The following NRG3 variants were observed in gnomAD, a reference collection of about 807,000 sequenced individuals.
NRG3 encodes neuregulin 3, also known as pro-neuregulin-3, membrane-bound isoform.
NRG3 carries 31 observed loss-of-function variants against 66.9 expected under a neutral mutation model. The observed-to-expected ratio is 0.46, with a 90% CI of 0.35 to 0.63. NRG3 has a LOEUF of 0.63. NRG3 is among the 20% of genes least tolerant of loss of function. The probability of loss-of-function intolerance (pLI) is 0.00; values close to 1 mark genes in which losing one functional copy is unlikely to be tolerated. For missense variants in NRG3, 910 were observed against 878.9 expected, an observed-to-expected ratio of 1.04 and a Z score of -0.45; for synonymous variants, 393 against 359.4, an observed-to-expected ratio of 1.09 and a Z score of -1.06.
chr10:82,140,437 A>G (rs371653511), intron 1 of NRG3, among the ~76,000 whole-genome samples: 1 of 152,230 alleles, frequency 6.6e-6, no homozygotes, highest in African/African-American at 2.4e-5. Context: ...CAATTGGCTG[A>G]TATTTAAACA....
chr10:82,460,541 T>G (rs1402430756), intron 2 of NRG3, among the ~76,000 whole-genome samples: 1 of 152,220 alleles, frequency 6.6e-6, no homozygotes, highest in Non-Finnish European at 1.5e-5. Flanking sequence ...CTGTCTTTCA[T>G]GCAACTCTCT....
At chr10:82,025,851 T>C (rs1285388562) in intron 1 of NRG3, among the ~76,000 whole-genome samples, 2 of 152,208 alleles carry the variant, frequency 1.3e-5, no homozygotes, top group East Asian at 1.9e-4. Flanking sequence ...TTTTGTTTTG[T>C]TTTGATAGCT....
At chr10:82,071,942 G>A (rs2064829223) in intron 1 of NRG3, among the ~76,000 whole-genome samples, 1 of 152,160 alleles carries the variant, frequency 6.6e-6, no homozygotes, top group Non-Finnish European at 1.5e-5. Flanking sequence ...ATGTTTACAT[G>A]ATTCAAAAGT....
intron 2 of NRG3, among the ~76,000 whole-genome samples, chr10:82,517,657 G>GTGTGTGTGCA (rs1446772709): frequency 1.1e-3 from 139 of 128,150 alleles, no homozygotes; most frequent in African/African-American, 4.8e-3. Flanking sequence ...GTGTGTGTGT[G>GTGTGTGTGCA]TGTGTGTGTG....
At chr10:82,931,226 A>C (rs1847547557) in intron 4 of NRG3, among the ~76,000 whole-genome samples, 1 of 152,210 alleles carries the variant, frequency 6.6e-6, no homozygotes, top group African/African-American at 2.4e-5. Context: ...CTCCATCAGC[A>C]GGAATAGAAA....
intron 2 of NRG3, among the ~76,000 whole-genome samples, chr10:82,447,359 G>A (rs983976954): frequency 3.9e-5 from 6 of 152,136 alleles, no homozygotes; most frequent in Non-Finnish European, 8.8e-5. Flanking sequence ...TGAGGCAGGA[G>A]GATCTCTTGA....
chr10:82,455,716 G>C (rs1409151355), intron 2 of NRG3, among the ~76,000 whole-genome samples: 2 of 151,230 alleles, frequency 1.3e-5, no homozygotes, highest in Admixed American at 6.6e-5. Flanking sequence ...CCGGGTTCAC[G>C]CCATTCTCCT....
At chr10:82,719,802 G>A (rs1565237041) in intron 2 of NRG3, among the ~76,000 whole-genome samples, 1 of 151,984 alleles carries the variant, frequency 6.6e-6, no homozygotes, top group South Asian at 2.1e-4. Context: ...GTAGTCAATT[G>A]CCTTTATTAA....
At chr10:82,212,093 G>A (rs2075424023) in intron 1 of NRG3, among the ~76,000 whole-genome samples, 1 of 152,074 alleles carries the variant, frequency 6.6e-6, no homozygotes, top group African/African-American at 2.4e-5. Flanking sequence ...AGTTTGCTTG[G>A]CTTTCTTTTC....
intron 4 of NRG3, among the ~76,000 whole-genome samples, chr10:82,907,088 A>T (rs1844803288): frequency 6.6e-6 from 1 of 152,170 alleles, no homozygotes; most frequent in Non-Finnish European, 1.5e-5. Flanking sequence ...CCAGAGAATG[A>T]AGAAAATGTT....
At chr10:82,271,529 C>T (rs1564734355) in intron 1 of NRG3, among the ~76,000 whole-genome samples, 1 of 152,048 alleles carries the variant, frequency 6.6e-6, no homozygotes, top group East Asian at 1.9e-4. Context: ...CTCTTTGCCT[C>T]TTATCCCATA....
chr10:82,334,432 A>G (rs2082287582), intron 1 of NRG3, among the ~76,000 whole-genome samples: 1 of 152,196 alleles, frequency 6.6e-6, no homozygotes, highest in South Asian at 2.1e-4. Context: ...GGAATGTGGA[A>G]TTCTGTGTCT....
chr10:82,885,809 G>A (rs1489273503), intron 4 of NRG3, among the ~76,000 whole-genome samples: 1 of 151,836 alleles, frequency 6.6e-6, no homozygotes, highest in African/African-American at 2.4e-5. Flanking sequence ...CAATCCGCCT[G>A]CCTCATCCTC....
At chr10:82,313,443 C>A (rs1380306081) in intron 1 of NRG3, among the ~76,000 whole-genome samples, 1 of 152,038 alleles carries the variant, frequency 6.6e-6, no homozygotes, top group East Asian at 1.9e-4. Flanking sequence ...TTAGTTGAGC[C>A]AATCCTGAAT....
chr10:82,663,229 G>C lies in NRG3; in HGVS notation c.954-75348G>C, dbSNP rs143183304. On this transcript the variant is annotated intron_variant, in intron 2 of 8. Transcript: ENST00000372141. ...AATGGCAACTGACAGTTTTCCCAGA[G>C]GAACATCTGTTATGGCATGGACCAC... is the stretch of plus-strand genomic sequence containing the variant. 7.2e-5 allele frequency among the ~76,000 whole-genome samples: 11 copies of C among 152,300 alleles called. No individual in the cohort carries two copies. The East Asian group carries it at 2.1e-3, about 29-fold the overall frequency.
intron 4 of NRG3, among the ~76,000 whole-genome samples, chr10:82,941,157 T>C (rs1036767011): frequency 6.6e-6 from 1 of 152,024 alleles, no homozygotes; most frequent in Non-Finnish European, 1.5e-5. Context: ...CAGGGTTGCT[T>C]GTAGCAAGGC....
chr10:82,229,798 C>T (rs1327262172), intron 1 of NRG3, among the ~76,000 whole-genome samples: 2 of 152,010 alleles, frequency 1.3e-5, no homozygotes, highest in Non-Finnish European at 2.9e-5. Flanking sequence ...TAGTTGAGGA[C>T]ACAGGCAAAC....
intron 3 of NRG3, among the ~76,000 whole-genome samples, chr10:82,740,694 A>G (rs342366): frequency 0.81 from 122,787 of 151,480 alleles, 50,114 homozygotes; most frequent in Admixed American, 0.86. Flanking sequence ...TATGGTGGCA[A>G]GTGCCTGTAG....
chr10:82,391,391 A>G (rs1303784719), intron 2 of NRG3, among the ~76,000 whole-genome samples: 3 of 152,210 alleles, frequency 2.0e-5, no homozygotes, highest in African/African-American at 4.8e-5. Flanking sequence ...GTAAATTATC[A>G]GTTTAGAAAT....
Sources: gnomAD v4.1 joint callset for allele counts (sites outside exome capture counted in the v4.1 genomes callset) on GRCh38, gnomAD v4.1.1 for gene constraint, MANE v1.5 for transcripts, NCBI Gene and HGNC (gene_info 2026-07-23, HGNC 2026-07-21) for gene names.